The following PTPRD variants were observed in gnomAD, a reference collection of about 807,000 sequenced individuals.
The protein encoded by PTPRD is protein tyrosine phosphatase receptor type D.
PTPRD carries 34 observed loss-of-function variants against 214.5 expected under a neutral mutation model. That is an observed-to-expected ratio of 0.16 (90% confidence interval 0.12 to 0.21). The LOEUF is 0.21. PTPRD is among the 10% of genes least tolerant of loss of function. The pLI, the probability that PTPRD is intolerant of heterozygous loss-of-function variation, is 1.00. For synonymous variants in PTPRD, 1,128 were observed against 845.7 expected, an observed-to-expected ratio of 1.33 and a Z score of -5.79; for missense variants, 2,545 against 2,398.7, an observed-to-expected ratio of 1.06 and a Z score of -1.27.
chr9:8,449,790 T>G lies in PTPRD; in HGVS notation c.3923A>C (p.Lys1308Thr). 3 of 1,614,126 alleles carry G rather than the reference T, an allele frequency of 1.9e-6. No homozygotes were observed. The highest frequency in any genetic ancestry group is 1.7e-6 in the Non-Finnish European group (2 of 1,179,982). The stretch of plus-strand genomic sequence containing the variant: ...TGTTGGGTGGTGTGAAGGGATCTCC[T>G]TATTGTTCGGTATGCTGCTTTTTCT... ...DSRKSSIPNN[K>T]EIPSHHPTDP... The change falls in exon 34 of 46, where the codon AAG (lysine) becomes ACG (threonine). Residue 1308 changes from lysine to threonine, a missense_variant. Transcript: ENST00000381196.
intron 21 of PTPRD, among the ~76,000 whole-genome samples, chr9:8,510,794 C>A (rs1389929487): frequency 6.6e-6 from 1 of 152,012 alleles, no homozygotes; most frequent in Non-Finnish European, 1.5e-5. Context: ...GCTGAGGACA[C>A]AAAGGAATTT....
intron 10 of PTPRD, among the ~76,000 whole-genome samples, chr9:9,067,263 ACTTGT>A (rs2099736186): frequency 6.6e-6 from 1 of 152,166 alleles, no homozygotes; most frequent in Non-Finnish European, 1.5e-5. Flanking sequence ...AAACAAAAAA[ACTTGT>A]CTTAATACTG....
chr9:10,074,979 A>T (rs1294942091), intron 3 of PTPRD, among the ~76,000 whole-genome samples: 3 of 152,142 alleles, frequency 2.0e-5, no homozygotes, highest in Non-Finnish European at 4.4e-5. Context: ...CCTTTCAATA[A>T]GTGAGGAGAT....
intron 2 of PTPRD, among the ~76,000 whole-genome samples, chr9:10,512,584 C>T (rs7853996): frequency 0.23 from 35,165 of 151,924 alleles, 4,835 homozygotes; most frequent in Middle Eastern, 0.3. Flanking sequence ...CAAAGTTGAA[C>T]GCACAAGTAC....
intron 2 of PTPRD, among the ~76,000 whole-genome samples, chr9:10,559,968 A>C (rs563641332): frequency 6.6e-6 from 1 of 152,310 alleles, no homozygotes; most frequent in Admixed American, 6.5e-5. Flanking sequence ...GTGGGACCGT[A>C]AACTAGTTCA....
intron 5 of PTPRD, among the ~76,000 whole-genome samples, chr9:9,785,049 G>C (rs1467085976): frequency 6.6e-6 from 1 of 151,232 alleles, no homozygotes; most frequent in Non-Finnish European, 1.5e-5. Context: ...AACCTAGCTA[G>C]AGTCTTTAGA....
chr9:9,055,619 A>G (rs765386304), intron 10 of PTPRD, among the ~76,000 whole-genome samples: 1 of 152,098 alleles, frequency 6.6e-6, no homozygotes, highest in Non-Finnish European at 1.5e-5. Flanking sequence ...TCAGGGCCTC[A>G]AAACGTAGTA....
intron 3 of PTPRD, among the ~76,000 whole-genome samples, chr9:10,295,091 CATT>C (rs2095637173): frequency 6.6e-6 from 1 of 151,962 alleles, no homozygotes; most frequent in African/African-American, 2.4e-5. Context: ...GGTCTTTAAT[CATT>C]GTTGAAAATC....
At chr9:8,628,870 C>T (rs985590042) in intron 14 of PTPRD, among the ~76,000 whole-genome samples, 1 of 151,722 alleles carries the variant, frequency 6.6e-6, no homozygotes, top group South Asian at 2.1e-4. Context: ...ATCTGGTAAA[C>T]TAGCATGTTT....
chr9:8,640,132 T>C (rs980190479), intron 12 of PTPRD, among the ~76,000 whole-genome samples: 4 of 152,106 alleles, frequency 2.6e-5, no homozygotes, highest in Admixed American at 1.3e-4. Context: ...GGTCTCCCTA[T>C]GTTGTTCAGC....
intron 3 of PTPRD, among the ~76,000 whole-genome samples, chr9:10,287,384 T>C (rs187672561): frequency 8.5e-5 from 13 of 152,284 alleles, no homozygotes; most frequent in African/African-American, 1.7e-4. Flanking sequence ...TGTACACTCA[T>C]AGCAAAAATG....
chr9:8,487,107 AATTAT>A (rs1439682870), intron 27 of PTPRD, among the ~76,000 whole-genome samples: 1 of 152,182 alleles, frequency 6.6e-6, no homozygotes, highest in Admixed American at 6.6e-5. Flanking sequence ...GTAAAATGGG[AATTAT>A]ATTAAGAGCT....
intron 8 of PTPRD, among the ~76,000 whole-genome samples, chr9:9,532,423 C>G (rs1186312936): frequency 6.6e-6 from 1 of 152,142 alleles, no homozygotes; most frequent in Non-Finnish European, 1.5e-5. Context: ...CTGCCCAATC[C>G]TCTCTGAAAT....
intron 9 of PTPRD, among the ~76,000 whole-genome samples, chr9:9,288,530 A>G (rs947933082): frequency 6.6e-6 from 1 of 151,902 alleles, no homozygotes; most frequent in African/African-American, 2.4e-5. Flanking sequence ...AACCTGAAAA[A>G]ATATTTAAAA....
chr9:8,505,978 A>G (rs2097536158), intron 22 of PTPRD, among the ~76,000 whole-genome samples: 1 of 152,232 alleles, frequency 6.6e-6, no homozygotes, highest in South Asian at 2.1e-4. Context: ...TTTAAGTCAT[A>G]TCTGCATTTC....
intron 12 of PTPRD, among the ~76,000 whole-genome samples, chr9:8,693,085 T>C (rs2097842660): frequency 6.6e-6 from 1 of 152,218 alleles, no homozygotes; most frequent in African/African-American, 2.4e-5. Context: ...TTGTTAGGCC[T>C]ATGTGGTATT....
intron 9 of PTPRD, among the ~76,000 whole-genome samples, chr9:9,320,810 A>G (rs555169094): frequency 6.6e-6 from 1 of 152,260 alleles, no homozygotes; most frequent in South Asian, 2.1e-4. Context: ...ATTTGGGAGG[A>G]GTAATGGGAG....
rs2098258896 is a variant in PTPRD at position 9,734,574 on chromosome 9, GA to G, written c.-325-4del. On this transcript the variant is annotated splice_region_variant and splice_polypyrimidine_tract_variant and intron_variant, in intron 6 of 45. Transcript: ENST00000381196. ...CCAGAAGATCAAGGAGTCCAAGCCT[GA>G]TAAAAAGCAAAACAGAGGAAAGACA... 7 of 152,036 alleles carry G rather than the reference GA, an allele frequency of 4.6e-5. No homozygotes were observed. Among genetic ancestry groups the G allele is most frequent in the Admixed American group, 4.6e-4 (7 of 15,248 alleles). 9.4% of individuals were successfully genotyped at this position (152,036 alleles called of 1,614,324 possible). A position where few individuals can be genotyped will look rare whatever the true frequency, so the allele number is the denominator to read the frequency against.
chr9:8,663,686 T>C (rs200673735), intron 12 of PTPRD, among the ~76,000 whole-genome samples: 1 of 152,062 alleles, frequency 6.6e-6, no homozygotes, highest in Admixed American at 6.6e-5. Flanking sequence ...AGATGGAGTT[T>C]TACCATGTTG....
Sources: allele counts gnomAD v4.1 joint callset (sites outside exome capture counted in the v4.1 genomes callset), GRCh38; gene constraint gnomAD v4.1.1; transcripts MANE v1.5; gene names NCBI Gene and HGNC (gene_info 2026-07-23, HGNC 2026-07-21).